The following KIF18A variants were observed in gnomAD, a reference collection of about 807,000 sequenced individuals.
KIF18A encodes the protein kinesin family member 18A, also known as kinesin-like protein KIF18A.
A neutral mutation model predicts 103.3 loss-of-function variants in KIF18A; 67 were observed. That is an observed-to-expected ratio of 0.65 (90% CI 0.53 to 0.79). The LOEUF (loss-of-function observed/expected upper bound fraction) is 0.79, where lower values mean the gene tolerates loss of function less well. KIF18A is among the 30% of genes least tolerant of loss of function. The pLI is 0.00. For synonymous variants in KIF18A, 367 were observed against 355.5 expected (o/e 1.03, Z -0.36); for missense variants, 1,032 against 1,062.5 (o/e 0.97, Z 0.40).
intron 13 of KIF18A, among the ~76,000 whole-genome samples, chr11:28,057,883 A>G (rs1347269582): frequency 1.3e-5 from 2 of 152,224 alleles, no homozygotes; most frequent in African/African-American, 4.8e-5. Flanking sequence ...TGTTCATAAT[A>G]AACAAATAAA....
intron 13 of KIF18A, among the ~76,000 whole-genome samples, chr11:28,047,056 G>GAAAA (rs60204007): frequency 8.4e-5 from 6 of 71,042 alleles, no homozygotes; most frequent in Non-Finnish European, 1.2e-4. Context: ...CTTCGTCTCA[G>GAAAA]AAAAAAAAAA....
intron 10 of KIF18A, among the ~76,000 whole-genome samples, chr11:28,069,643 G>A (rs1850984231): frequency 1.3e-5 from 2 of 151,802 alleles, no homozygotes; most frequent in South Asian, 4.2e-4. Flanking sequence ...ATTACAGGTT[G>A]AGAGTTTATG....
At chr11:28,023,703 T>G (rs770203259) in intron 16 of KIF18A, 38 bp downstream of exon 16, 1 of 1,148,878 alleles carries the variant, frequency 8.7e-7, no homozygotes, top group East Asian at 2.3e-5. Flanking sequence ...TGTTACAGAG[T>G]CATACCATTA....
intron 1 of KIF18A, among the ~76,000 whole-genome samples, chr11:28,100,859 C>A (rs1851436869): frequency 1.3e-5 from 2 of 152,156 alleles, no homozygotes; most frequent in South Asian, 4.1e-4. Context: ...TTCCGTCTAG[C>A]CAAGTGTCAC....
chr11:28,042,221 A>C (rs1050264546), intron 13 of KIF18A, among the ~76,000 whole-genome samples: 1 of 151,850 alleles, frequency 6.6e-6, no homozygotes, highest in Non-Finnish European at 1.5e-5. Context: ...CAAAAGTAGC[A>C]GATAGAGACA....
At chr11:28,067,533 C>T (rs1402885961) in intron 11 of KIF18A, among the ~76,000 whole-genome samples, 1 of 152,078 alleles carries the variant, frequency 6.6e-6, no homozygotes, top group Non-Finnish European at 1.5e-5. Context: ...ATCCATTCCC[C>T]AGTCATAATG....
At chr11:28,025,554 A>G (rs1244810696) in intron 15 of KIF18A, among the ~76,000 whole-genome samples, 1 of 152,038 alleles carries the variant, frequency 6.6e-6, no homozygotes, top group Non-Finnish European at 1.5e-5. Flanking sequence ...TTTTGAATAA[A>G]GCCATTTGAT....
chr11:28,026,940 A>G (rs1453323772), intron 15 of KIF18A, among the ~76,000 whole-genome samples: 1 of 151,882 alleles, frequency 6.6e-6, no homozygotes, highest in Non-Finnish European at 1.5e-5. Flanking sequence ...TAGCAAATAT[A>G]AAATTTTAAA....
chr11:28,022,428 C>T (rs1850258656), intron 16 of KIF18A, among the ~76,000 whole-genome samples: 1 of 151,960 alleles, frequency 6.6e-6, no homozygotes, highest in Admixed American at 6.6e-5. Context: ...CCATGCCCGG[C>T]TAATTTTTTA....
chr11:28,083,709 T>G (rs1181306140), intron 7 of KIF18A, among the ~76,000 whole-genome samples: 1 of 152,156 alleles, frequency 6.6e-6, no homozygotes. Context: ...TTAACCTGAC[T>G]TAGAATTCGA....
chr11:28,075,795 C>T (rs957651789), intron 10 of KIF18A, among the ~76,000 whole-genome samples: 2 of 152,016 alleles, frequency 1.3e-5, no homozygotes, highest in African/African-American at 4.8e-5. Flanking sequence ...ATTGCTTCTG[C>T]CAGGTTTTCT....
chr11:28,105,664 ACCTCAGGG>A (rs1455827491), intron 1 of KIF18A, among the ~76,000 whole-genome samples: 3 of 152,056 alleles, frequency 2.0e-5, no homozygotes, highest in African/African-American at 7.2e-5. Context: ...TTTGATAGAA[ACCTCAGGG>A]CCTGGCACAG....
rs372157089 is a variant in KIF18A at position 28,036,610 on chromosome 11, C to T, written c.2003G>A (p.Arg668Gln). ...CAAGGGAGATGGCATTAGTTTTCTC[C>T]GAGTTCTTTTTTCTGTAGGAATCTT... The part of the protein sequence containing the change: ...LVKIPTEKRT[R>Q]RKLMPSPLKG... Residue 668 changes from arginine to glutamine, a missense_variant, in exon 14 of 17, where the codon CGG becomes CAG. Arg to Gln is a conservative substitution (Grantham distance 43). Transcript: ENST00000263181. The T allele has an allele frequency of 5.2e-5, 83 of 1,609,884 alleles. 1 individual carries two copies. Among genetic ancestry groups the T allele is most frequent in the South Asian group, 1.9e-4 (17 of 90,822 alleles).
At chr11:28,105,454 T>C (rs994562387) in intron 1 of KIF18A, among the ~76,000 whole-genome samples, 1 of 152,202 alleles carries the variant, frequency 6.6e-6, no homozygotes, top group Admixed American at 6.5e-5. Flanking sequence ...AAAACGAAGA[T>C]GTACAATGTG....
intron 11 of KIF18A, among the ~76,000 whole-genome samples, chr11:28,064,172 A>C (rs958241968): frequency 2.6e-5 from 4 of 151,720 alleles, no homozygotes; most frequent in Non-Finnish European, 5.9e-5. Flanking sequence ...GGAGTTATTT[A>C]TATAATTCAT....
chr11:28,093,897 G>C (rs968924243), intron 3 of KIF18A, among the ~76,000 whole-genome samples: 4 of 152,098 alleles, frequency 2.6e-5, no homozygotes, highest in Non-Finnish European at 4.4e-5. Context: ...TACATACATA[G>C]TACTTACTAA....
At chr11:28,025,854 A>T (rs536791444) in intron 15 of KIF18A, among the ~76,000 whole-genome samples, 1 of 152,112 alleles carries the variant, frequency 6.6e-6, no homozygotes, top group African/African-American at 2.4e-5. Flanking sequence ...TTATATAGGT[A>T]GAATGTTTCT....
At chr11:28,036,196 G>A (rs1356211842) in intron 14 of KIF18A, 21 bp downstream of exon 14, 5 of 1,469,420 alleles carry the variant, frequency 3.4e-6, no homozygotes, top group Non-Finnish European at 4.6e-6. Flanking sequence ...AAAAGAATTG[G>A]CAAATATTAT....
At chr11:28,090,295 C>T (rs1851284514) in intron 5 of KIF18A, among the ~76,000 whole-genome samples, 1 of 152,034 alleles carries the variant, frequency 6.6e-6, no homozygotes. Context: ...TTCTACAAGT[C>T]TAGATTTATA....
Sources: allele counts gnomAD v4.1 joint callset (sites outside exome capture counted in the v4.1 genomes callset), GRCh38; gene constraint gnomAD v4.1.1; transcripts MANE v1.5; gene names NCBI Gene and HGNC (gene_info 2026-07-23, HGNC 2026-07-21).